Variants in FOCAD observed in about 807,000 individuals in gnomAD.
FOCAD encodes focadhesin, also known as KIAA1797.
FOCAD carries 198 observed loss-of-function variants against 225.6 expected under a neutral mutation model. That is an observed-to-expected ratio of 0.88 (90% CI 0.78 to 0.99). The LOEUF is 0.99. Among genes scored for constraint, FOCAD ranks in the 50% least tolerant of loss-of-function variants. The pLI is 0.00. For synonymous variants in FOCAD, 897 were observed against 755.0 expected (o/e 1.19, Z -3.08); for missense variants, 2,713 against 2,123.6 (o/e 1.28, Z -5.46).
chr9:20,793,747 G>A (rs1018248087), intron 11 of FOCAD, among the ~76,000 whole-genome samples: 2 of 152,184 alleles, frequency 1.3e-5, no homozygotes, highest in African/African-American at 4.8e-5. Flanking sequence ...AACTCTCTAA[G>A]TGATGGGCTT....
chr9:20,986,395 G>A lies in FOCAD; in HGVS notation c.4836G>A (p.Glu1612=). ...TGAGCGTTGCTGTGCAGCACCGTGA[G>A]AAAGAGGTGTTGGCCTGGATGATTC... is the stretch of plus-strand genomic sequence containing the variant. ...DMLSVAVQHR[E]KEVLAWMILH... is the part of the protein sequence containing the mutation. Residue 1612 remains glutamate (E), a synonymous_variant, in exon 40 of 44, where the codon GAG becomes GAA. Transcript: ENST00000338382. The A allele has an allele frequency of 6.2e-7, 1 of 1,612,726 alleles. No homozygotes were observed. Among genetic ancestry groups the A allele is most frequent in the Non-Finnish European group, 8.5e-7 (1 of 1,179,818 alleles).
At chr9:20,975,989 G>A (rs1840197121) in intron 35 of FOCAD, among the ~76,000 whole-genome samples, 2 of 152,060 alleles carry the variant, frequency 1.3e-5, no homozygotes, top group Admixed American at 6.6e-5. Flanking sequence ...AATAAGTTCT[G>A]GTGTTCTAAA....
intron 11 of FOCAD, among the ~76,000 whole-genome samples, chr9:20,810,269 C>A (rs1432058128): frequency 5.9e-5 from 9 of 152,120 alleles, no homozygotes; most frequent in Non-Finnish European, 8.8e-5. Flanking sequence ...AATATTGAAT[C>A]TATCTAGCTT....
At chr9:20,913,381 T>C (rs1833610669) in intron 23 of FOCAD, among the ~76,000 whole-genome samples, 1 of 152,158 alleles carries the variant, frequency 6.6e-6, no homozygotes, top group Non-Finnish European at 1.5e-5. Context: ...AGGAGCAACT[T>C]TACCGTGTCA....
intron 4 of FOCAD, among the ~76,000 whole-genome samples, chr9:20,729,702 C>G (rs1826511515): frequency 6.6e-6 from 1 of 152,104 alleles, no homozygotes; most frequent in African/African-American, 2.4e-5. Flanking sequence ...GAGGAGTCCT[C>G]TGCACTGGAA....
intron 4 of FOCAD, among the ~76,000 whole-genome samples, chr9:20,734,631 T>C (rs1052309728): frequency 4.6e-5 from 7 of 152,136 alleles, no homozygotes; most frequent in African/African-American, 1.7e-4. Flanking sequence ...AGATAACACA[T>C]ACAGTATAAT....
intron 42 of FOCAD, among the ~76,000 whole-genome samples, chr9:20,990,807 AG>A (rs1257490734): frequency 1.3e-5 from 2 of 152,194 alleles, no homozygotes; most frequent in Non-Finnish European, 2.9e-5. Flanking sequence ...TGGGTGGGTC[AG>A]GAAGTTTTCT....
At chr9:20,673,604 T>G (rs1822141133) in intron 2 of FOCAD, among the ~76,000 whole-genome samples, 1 of 152,182 alleles carries the variant, frequency 6.6e-6, no homozygotes, top group African/African-American at 2.4e-5. Context: ...TAATTATTAT[T>G]ATTTTTTTGA....
Position 20,954,556 on chromosome 9 carries a change from C to T in FOCAD, c.4132+1491C>T, listed in dbSNP as rs565838247. 2.6e-5 allele frequency among the ~76,000 whole-genome samples: 4 copies of T among 152,278 alleles called. 1 individual carries two copies. Among genetic ancestry groups the T allele is most frequent in the African/African-American group, 9.6e-5 (4 of 41,564 alleles). On this transcript the variant is annotated intron_variant, in intron 35 of 43. Coordinates refer to ENST00000338382, the MANE Select transcript of FOCAD (RefSeq NM_001375567.1). ...TGGCAGACATGAATTTTCTCTGAATCTTATTCAATCTTCGGTTGAATGTAA... is the reference window on the plus strand; with the variant it reads ...TGGCAGACATGAATTTTCTCTGAATTTTATTCAATCTTCGGTTGAATGTAA...
chr9:20,839,538 G>A (rs1217250016), intron 15 of FOCAD, among the ~76,000 whole-genome samples: 1 of 151,976 alleles, frequency 6.6e-6, no homozygotes, highest in Non-Finnish European at 1.5e-5. Context: ...TGAGATTACA[G>A]GTGTGAGCCA....
chr9:20,938,879 A>T (rs1836315533), intron 28 of FOCAD, among the ~76,000 whole-genome samples: 1 of 152,050 alleles, frequency 6.6e-6, no homozygotes, highest in South Asian at 2.1e-4. Flanking sequence ...TTTAAAAAGA[A>T]TATAAATGTA....
intron 4 of FOCAD, among the ~76,000 whole-genome samples, chr9:20,738,657 TGCTTCA>T (rs1055385009): frequency 3.3e-5 from 5 of 152,182 alleles, no homozygotes; most frequent in African/African-American, 1.2e-4. Flanking sequence ...TTGTGAAAAA[TGCTTCA>T]GCTGCAAGAG....
chr9:20,978,238 A>G (rs1452930692), intron 36 of FOCAD, 101 bp from the exon 37 acceptor site: 2 of 680,384 alleles, frequency 2.9e-6, no homozygotes, highest in East Asian at 6.2e-5. Context: ...TGTTACCTGC[A>G]AAAGTCACAT....
In FOCAD at chr9:20,819,716, A is replaced by G. The variant is rs191136097; in HGVS notation, c.1456-80A>G. On this transcript the variant is annotated intron_variant, in intron 11 of 43. Transcript: ENST00000338382. ...ATTCATATTCATATTATTCCTCTGGAAAAAAAGAGATAAATATTCCATTAT... is the reference window on the plus strand; with the variant it reads ...ATTCATATTCATATTATTCCTCTGGGAAAAAAGAGATAAATATTCCATTAT... The G allele has an allele frequency of 8.5e-4, 559 of 659,944 alleles. 6 individuals are homozygous for G. The African/African-American group carries it at 9.3e-3, about 11-fold the overall frequency. The allele number at this position is 659,944 out of a possible 1,614,324, so 40.9% of individuals were successfully genotyped here.
intron 11 of FOCAD, among the ~76,000 whole-genome samples, chr9:20,817,814 T>C (rs1033928894): frequency 6.6e-6 from 1 of 152,218 alleles, no homozygotes; most frequent in Non-Finnish European, 1.5e-5. Context: ...GTTTCCACTT[T>C]TTGGCCATTG....
chr9:20,866,182 C>T (rs1463619811), intron 17 of FOCAD, among the ~76,000 whole-genome samples: 1 of 151,890 alleles, frequency 6.6e-6, no homozygotes, highest in Non-Finnish European at 1.5e-5. Context: ...CCATAAAGTG[C>T]ACTTAATACT....
intron 28 of FOCAD, among the ~76,000 whole-genome samples, chr9:20,935,780 C>A (rs1835890546): frequency 6.6e-6 from 1 of 152,102 alleles, no homozygotes; most frequent in Admixed American, 6.5e-5. Flanking sequence ...TTTATGTTTC[C>A]CTGTGAAATC....
intron 14 of FOCAD, among the ~76,000 whole-genome samples, chr9:20,822,194 T>C (rs1280470563): frequency 6.6e-6 from 1 of 151,972 alleles, no homozygotes; most frequent in African/African-American, 2.4e-5. Context: ...TGCTAACTTA[T>C]TTAGTATTCC....
intron 21 of FOCAD, among the ~76,000 whole-genome samples, chr9:20,902,033 T>C (rs1832604997): frequency 1.3e-5 from 2 of 151,942 alleles, no homozygotes; most frequent in South Asian, 4.1e-4. Context: ...TATGATAGTA[T>C]GATTTTCACA....
Sources: gnomAD v4.1 joint callset for allele counts (sites outside exome capture counted in the v4.1 genomes callset) on GRCh38, gnomAD v4.1.1 for gene constraint, MANE v1.5 for transcripts, NCBI Gene and HGNC (gene_info 2026-07-23, HGNC 2026-07-21) for gene names.